The following SLC1A3 variants were observed in gnomAD, a reference collection of about 807,000 sequenced individuals.
The protein encoded by SLC1A3 is solute carrier family 1 member 3.
Under a neutral mutation model 48.1 loss-of-function variants are expected in SLC1A3, and 21 were observed. The observed-to-expected ratio is 0.44, with a 90% confidence interval of 0.31 to 0.63. The LOEUF is 0.63. Among genes scored for constraint, SLC1A3 ranks in the 20% least tolerant of loss-of-function variants. SLC1A3 has a pLI of 0.08. For missense variants in SLC1A3, 546 were observed against 689.0 expected, an observed-to-expected ratio of 0.79 and a Z score of 2.32; for synonymous variants, 239 against 251.4, an observed-to-expected ratio of 0.95 and a Z score of 0.47.
chr5:36,645,586 A>T (rs1740809589), intron 3 of SLC1A3, among the ~76,000 whole-genome samples: 1 of 151,698 alleles, frequency 6.6e-6, no homozygotes, highest in South Asian at 2.1e-4. Flanking sequence ...CGGCCTCCCA[A>T]AGTGCTGGGA....
At chr5:36,653,413 A>C (rs771557234) in intron 3 of SLC1A3, among the ~76,000 whole-genome samples, 3 of 152,166 alleles carry the variant, frequency 2.0e-5, no homozygotes, top group Admixed American at 6.6e-5. Flanking sequence ...ACCCCTCCCA[A>C]GTTCCCCTAA....
intron 3 of SLC1A3, among the ~76,000 whole-genome samples, chr5:36,665,389 A>C (rs1190502371): frequency 6.6e-6 from 1 of 152,222 alleles, no homozygotes; most frequent in African/African-American, 2.4e-5. Context: ...CTTGGCACTA[A>C]AATTCTGGTA....
chr5:36,612,377 C>A (rs1048327049), intron 2 of SLC1A3, among the ~76,000 whole-genome samples: 1 of 152,078 alleles, frequency 6.6e-6, no homozygotes, highest in Admixed American at 6.6e-5. Context: ...GCCAGGAGTT[C>A]AAGATCAATC....
chr5:36,666,710 T>C (rs1741763616), intron 3 of SLC1A3, among the ~76,000 whole-genome samples: 1 of 152,206 alleles, frequency 6.6e-6, no homozygotes, highest in Non-Finnish European at 1.5e-5. Context: ...CCTTTAATAC[T>C]TGACTGAATG....
intron 2 of SLC1A3, among the ~76,000 whole-genome samples, chr5:36,623,683 G>A (rs1579961086): frequency 6.8e-6 from 1 of 147,084 alleles, no homozygotes; most frequent in Non-Finnish European, 1.5e-5. Context: ...GTGAAATACC[G>A]TCTCTACTAA....
chr5:36,651,264 C>CAA (rs1561265507), intron 3 of SLC1A3, among the ~76,000 whole-genome samples: 2 of 151,102 alleles, frequency 1.3e-5, no homozygotes, highest in East Asian at 1.9e-4. Flanking sequence ...AACTCCACTG[C>CAA]CCTCTACTAT....
chr5:36,603,209 C>G (rs910129567), upstream of SLC1A3, among the ~76,000 whole-genome samples: 15 of 152,228 alleles, frequency 9.9e-5, no homozygotes, highest in Non-Finnish European at 2.2e-4. Flanking sequence ...CCTGCCATGC[C>G]ACACGATGGC....
chr5:36,683,780 G>T, intron 8 of SLC1A3, 84 bp from the exon 9 acceptor site: 1 of 1,460,884 alleles, frequency 6.8e-7, no homozygotes. Flanking sequence ...GTCAGGCATC[G>T]GCACCGTGCG....
At chr5:36,624,500 T>C (rs11954014) in intron 2 of SLC1A3, among the ~76,000 whole-genome samples, 81,450 of 151,966 alleles carry the variant, frequency 0.54, 22,932 homozygotes, top group Admixed American at 0.64. Context: ...GCAATTTACC[T>C]GCCCTCTCAA....
At chr5:36,641,716 T>C (rs537151766) in intron 3 of SLC1A3, among the ~76,000 whole-genome samples, 2 of 152,332 alleles carry the variant, frequency 1.3e-5, no homozygotes, top group African/African-American at 4.8e-5. Flanking sequence ...ATCTGGAAGA[T>C]AGTTTTAGAG....
intron 3 of SLC1A3, among the ~76,000 whole-genome samples, chr5:36,658,553 A>C (rs1741375557): frequency 6.6e-6 from 1 of 152,194 alleles, no homozygotes; most frequent in Non-Finnish European, 1.5e-5. Context: ...AGAAGCAAAA[A>C]TTTATCTCAA....
chr5:36,666,355 T>C (rs751357768), intron 3 of SLC1A3: 4 of 152,214 alleles, frequency 2.6e-5, no homozygotes, highest in Admixed American at 6.5e-5. Flanking sequence ...TTTCATTAGA[T>C]GCGTGTATGA....
At position 36,679,818 on chromosome 5, in the gene SLC1A3, G is replaced by C; in HGVS notation, c.1052G>C (p.Gly351Ala). The change falls in exon 7 of 10, where the codon GGG (glycine) becomes GCG (alanine). Residue 351 changes from glycine (G) to alanine (A), a missense_variant. Gly to Ala is a moderately conservative substitution (Grantham distance 60). Coordinates refer to ENST00000265113, the MANE Select transcript of SLC1A3 (RefSeq NM_004172.5). Reference protein sequence around the residue: ...TRKNPWVFIGGLLQALITALG... With the variant: ...TRKNPWVFIGALLQALITALG... ...AAAAACCCTTGGGTTTTTATTGGAG[G>C]GTTGCTGCAAGCACTCATCACCGCT... is the stretch of plus-strand genomic sequence containing the variant. 6.2e-7 allele frequency: 1 copy of C among 1,614,100 alleles called. No homozygotes were observed. Among genetic ancestry groups the C allele is most frequent in the South Asian group, 1.1e-5 (1 of 91,082 alleles).
chr5:36,638,373 C>T (rs888654040), intron 3 of SLC1A3, among the ~76,000 whole-genome samples: 1 of 152,338 alleles, frequency 6.6e-6, no homozygotes, highest in African/African-American at 2.4e-5. Flanking sequence ...GTCCCTCTCT[C>T]AACGTCCTAA....
intron 3 of SLC1A3, among the ~76,000 whole-genome samples, chr5:36,651,186 G>C (rs1741054795): frequency 6.9e-6 from 1 of 144,356 alleles, no homozygotes. Context: ...GAAACTAGGG[G>C]CTAAACTAGT....
At chr5:36,612,653 A>T (rs373205951) in intron 2 of SLC1A3, 1 of 226,760 alleles carries the variant, frequency 4.4e-6, no homozygotes, top group African/African-American at 2.3e-5. Flanking sequence ...CTCACAATGT[A>T]TGGAAAGCAC....
intron 3 of SLC1A3, among the ~76,000 whole-genome samples, chr5:36,642,277 A>G (rs1401189914): frequency 6.6e-6 from 1 of 152,184 alleles, no homozygotes; most frequent in Non-Finnish European, 1.5e-5. Flanking sequence ...AGTGAGGTCA[A>G]GTGTCTGAAA....
chr5:36,608,234 A>G (rs531009179), intron 1 of SLC1A3, 95 bp from the exon 2 acceptor site: 2 of 590,382 alleles, frequency 3.4e-6, no homozygotes, highest in Admixed American at 3.0e-5. Flanking sequence ...TCCTGCTGAG[A>G]TTATGCAATT....
chr5:36,659,799 C>T (rs974252510), intron 3 of SLC1A3, among the ~76,000 whole-genome samples: 1 of 152,148 alleles, frequency 6.6e-6, no homozygotes, highest in African/African-American at 2.4e-5. Flanking sequence ...GCCAGAGTAT[C>T]AAGAAGGTCC....
Sources: allele counts gnomAD v4.1 joint callset (sites outside exome capture counted in the v4.1 genomes callset), GRCh38; gene constraint gnomAD v4.1.1; transcripts MANE v1.5; gene names NCBI Gene and HGNC (gene_info 2026-07-23, HGNC 2026-07-21).